PALM2AKAP2: variants seen among roughly 807,000 people sequenced by gnomAD.
PALM2AKAP2 encodes the protein PALM2-AKAP2 fusion protein.
A neutral mutation model predicts 71.5 loss-of-function variants in PALM2AKAP2; 37 were observed. That is an observed-to-expected ratio of 0.52 (90% confidence interval 0.40 to 0.68). The LOEUF (loss-of-function observed/expected upper bound fraction) is 0.68, where lower values mean the gene tolerates loss of function less well. Among genes scored for constraint, PALM2AKAP2 ranks in the 30% least tolerant of loss-of-function variants. The pLI, the probability that PALM2AKAP2 is intolerant of heterozygous loss-of-function variation, is 0.00. For missense variants in PALM2AKAP2, 1,224 were observed against 1,191.8 expected (o/e 1.03, Z -0.40); for synonymous variants, 468 against 478.8 (o/e 0.98, Z 0.29).
In PALM2AKAP2 at chr9:109,954,679, A is replaced by G. The variant is rs904035451; in HGVS notation, c.496+22651A>G. ...ATAATAAAAAAAAAAAAAAAAAAAAAAAGAAGTTAAGGTTGCAAGATCTTA... is the reference window on the plus strand; with the variant it reads ...ATAATAAAAAAAAAAAAAAAAAAAAGAAGAAGTTAAGGTTGCAAGATCTTA... On this transcript the variant is annotated intron_variant, in intron 6 of 9. Coordinates refer to the PALM2AKAP2 transcript ENST00000302798. Among the ~76,000 whole-genome samples, 123 of 140,312 alleles carry G rather than the reference A, an allele frequency of 8.8e-4. No homozygotes were observed. In the East Asian group the frequency reaches 0.015, roughly 17 times the overall value. The allele number at this position is 140,312 out of a possible 152,430, so 92.1% of individuals were successfully genotyped here.
At chr9:110,091,467 T>TC (rs1447355637) in intron 1 of PALM2AKAP2, among the ~76,000 whole-genome samples, 1 of 137,592 alleles carries the variant, frequency 7.3e-6, no homozygotes, top group African/African-American at 2.8e-5. Context: ...TTCTTTTTTT[T>TC]TTTTTTTTTT....
chr9:109,820,982 C>T (rs1000496478), intron 1 of PALM2AKAP2, among the ~76,000 whole-genome samples: 7 of 152,214 alleles, frequency 4.6e-5, no homozygotes, highest in Non-Finnish European at 8.8e-5. Context: ...CACCCAACTA[C>T]GCCCAGGAAC....
intron 6 of PALM2AKAP2, among the ~76,000 whole-genome samples, chr9:109,954,455 T>C (rs1831706317): frequency 7.2e-6 from 1 of 138,912 alleles, no homozygotes; most frequent in Admixed American, 7.7e-5. Flanking sequence ...AGCAAAGATT[T>C]GCTATTTAGA....
chr9:110,029,772 A>G (rs115180430), intron 7 of PALM2AKAP2, among the ~76,000 whole-genome samples: 17 of 152,362 alleles, frequency 1.1e-4, no homozygotes, highest in African/African-American at 4.1e-4. Flanking sequence ...ACTGGAAGGT[A>G]GCCAACCTGG....
intron 2 of PALM2AKAP2, among the ~76,000 whole-genome samples, chr9:109,874,506 T>G (rs896420306): frequency 6.6e-6 from 1 of 152,206 alleles, no homozygotes; most frequent in Non-Finnish European, 1.5e-5. Flanking sequence ...GTAAAGCACA[T>G]AAAGCAGTAA....
chr9:109,945,709 G>A (rs1233990352), intron 6 of PALM2AKAP2: 1 of 152,196 alleles, frequency 6.6e-6, no homozygotes, highest in Non-Finnish European at 1.5e-5. Flanking sequence ...GTTAGTGAGT[G>A]AAATGGTAGA....
chr9:109,848,768 C>A (rs1828931174), intron 1 of PALM2AKAP2, among the ~76,000 whole-genome samples: 3 of 138,676 alleles, frequency 2.2e-5, no homozygotes, highest in Non-Finnish European at 3.1e-5. Context: ...ATGATGATAC[C>A]CCATCTCTAC....
chr9:109,685,546 A>G (rs901227570), intron 1 of PALM2AKAP2, among the ~76,000 whole-genome samples: 17 of 152,172 alleles, frequency 1.1e-4, no homozygotes, highest in Non-Finnish European at 2.4e-4. Context: ...TACTCTAAAG[A>G]CTATAGTCTT....
At chr9:109,972,805 C>T (rs1832095408) in intron 6 of PALM2AKAP2, among the ~76,000 whole-genome samples, 1 of 152,072 alleles carries the variant, frequency 6.6e-6, no homozygotes, top group Non-Finnish European at 1.5e-5. Context: ...CTTTTGTCTC[C>T]CTATATCTCC....
chr9:110,032,228 A>C (rs1203357522), intron 7 of PALM2AKAP2, among the ~76,000 whole-genome samples: 2 of 152,142 alleles, frequency 1.3e-5, no homozygotes, highest in African/African-American at 4.8e-5. Flanking sequence ...GTTATGCCAC[A>C]AATAACACAG....
intron 1 of PALM2AKAP2, among the ~76,000 whole-genome samples, chr9:110,050,556 A>G (rs1394655362): frequency 6.6e-6 from 1 of 152,134 alleles, no homozygotes; most frequent in Non-Finnish European, 1.5e-5. Context: ...GTTTTAAGCA[A>G]TGCTCCGCTG....
intron 6 of PALM2AKAP2, among the ~76,000 whole-genome samples, chr9:109,990,025 C>T (rs1337175745): frequency 3.3e-5 from 5 of 151,782 alleles, no homozygotes; most frequent in Non-Finnish European, 7.4e-5. Flanking sequence ...ATGTTTACCA[C>T]TGTTCCACTG....
intron 6 of PALM2AKAP2, among the ~76,000 whole-genome samples, chr9:109,952,303 A>T (rs949094364): frequency 6.6e-6 from 1 of 152,224 alleles, no homozygotes; most frequent in African/African-American, 2.4e-5. Flanking sequence ...CCAAAAAAAA[A>T]GTTTCAAAAA....
At chr9:109,740,302 T>G (rs1034536652) in intron 1 of PALM2AKAP2, among the ~76,000 whole-genome samples, 6 of 152,172 alleles carry the variant, frequency 3.9e-5, no homozygotes, top group Admixed American at 3.3e-4. Flanking sequence ...TATAAATTTT[T>G]TATGTGTCAG....
At chr9:110,135,595 A>G (rs1347914211) in intron 1 of PALM2AKAP2, among the ~76,000 whole-genome samples, 3 of 152,196 alleles carry the variant, frequency 2.0e-5, no homozygotes, top group South Asian at 2.1e-4. Context: ...CATAAGGCAC[A>G]TGGTCAATTA....
At chr9:109,716,843 T>G (rs1459916090) in intron 1 of PALM2AKAP2, among the ~76,000 whole-genome samples, 2 of 152,176 alleles carry the variant, frequency 1.3e-5, no homozygotes, top group Non-Finnish European at 2.9e-5. Flanking sequence ...GTGGTTAGGT[T>G]TGGCTTTTGG....
At chr9:110,136,483 T>C in exon 2 of PALM2AKAP2, 1 of 1,614,152 alleles carries the variant, frequency 6.2e-7, no homozygotes, top group East Asian at 2.2e-5. Flanking sequence ...CAGAGCCTGG[T>C]GCAGTGGTTC....
At chr9:109,808,772 G>A (rs1450049302) in intron 1 of PALM2AKAP2, among the ~76,000 whole-genome samples, 2 of 152,254 alleles carry the variant, frequency 1.3e-5, no homozygotes, top group African/African-American at 4.8e-5. Context: ...CAGGCCCAGA[G>A]GGCCTATGAG....
rs374704175 is a variant in PALM2AKAP2 at position 109,699,778 on chromosome 9, A to ATT, written c.5+58925_5+58926dup. Among the ~76,000 whole-genome samples the ATT allele has an allele frequency of 1.3e-3, 148 of 113,272 alleles. 1 individual carries two copies. Among genetic ancestry groups the ATT allele is most frequent in the East Asian group, 0.011 (39 of 3,622 alleles). 74.3% of individuals were successfully genotyped at this position (113,272 alleles called of 152,430 possible). ...CTGTCAGCAGCCATTACCTTTATTT[A>ATT]TTTTTTTTTTTTTTGAGATGGAGTC... On this transcript the variant is annotated intron_variant, in intron 1 of 6. Transcript: ENST00000374531.
Sources: gnomAD v4.1 joint callset for allele counts (sites outside exome capture counted in the v4.1 genomes callset) on GRCh38, gnomAD v4.1.1 for gene constraint, MANE v1.5 for transcripts, NCBI Gene and HGNC (gene_info 2026-07-23, HGNC 2026-07-21) for gene names.